The following PIK3C2A variants were observed in gnomAD, a reference collection of about 807,000 sequenced individuals.
PIK3C2A encodes phosphatidylinositol 4-phosphate 3-kinase C2 domain-containing subunit alpha.
PIK3C2A carries 97 observed loss-of-function variants against 204.5 expected under a neutral mutation model. The ratio of observed to expected loss-of-function variants is 0.47; its 90% CI spans 0.40 to 0.56. The LOEUF (loss-of-function observed/expected upper bound fraction) is 0.56. PIK3C2A is among the 20% of genes least tolerant of loss of function. The probability of loss-of-function intolerance (pLI) is 0.00; values close to 1 mark genes in which losing one functional copy is unlikely to be tolerated. For synonymous variants in PIK3C2A, 653 were observed against 664.4 expected (o/e 0.98, Z 0.26); for missense variants, 1,735 against 1,969.2 (o/e 0.88, Z 2.25).
chr11:17,142,436 C>T (rs773240030), intron 8 of PIK3C2A, among the ~76,000 whole-genome samples: 2 of 152,116 alleles, frequency 1.3e-5, no homozygotes, highest in Non-Finnish European at 2.9e-5. Context: ...ATAAGGAAAG[C>T]AGAAGGTGGT....
intron 20 of PIK3C2A, among the ~76,000 whole-genome samples, chr11:17,113,170 C>T (rs1384150465): frequency 6.6e-6 from 1 of 152,104 alleles, no homozygotes; most frequent in African/African-American, 2.4e-5. Context: ...CGCCACCACA[C>T]CCGGCTAATT....
At chr11:17,124,748 T>C (rs1849469242) in intron 13 of PIK3C2A, among the ~76,000 whole-genome samples, 2 of 152,256 alleles carry the variant, frequency 1.3e-5, no homozygotes, top group African/African-American at 2.4e-5. Flanking sequence ...ACTACTTTTA[T>C]CTGGCACCCT....
chr11:17,158,400 C>T (rs1288108321), intron 2 of PIK3C2A, among the ~76,000 whole-genome samples: 3 of 149,164 alleles, frequency 2.0e-5, no homozygotes, highest in Non-Finnish European at 4.4e-5. Flanking sequence ...TATATATCTA[C>T]AGGCATTCAT....
At chr11:17,199,585 C>A (rs1565310032) in intron 1 of PIK3C2A, among the ~76,000 whole-genome samples, 1 of 152,136 alleles carries the variant, frequency 6.6e-6, no homozygotes, top group African/African-American at 2.4e-5. Flanking sequence ...AAGTCAGACA[C>A]AAAAGGCTAA....
chr11:17,147,971 AC>A (rs1472825526), intron 5 of PIK3C2A, among the ~76,000 whole-genome samples: 2 of 152,130 alleles, frequency 1.3e-5, no homozygotes, highest in African/African-American at 2.4e-5. Context: ...TAATCCCAGC[AC>A]TTTGGGAGGC....
chr11:17,156,331 T>G lies in PIK3C2A; in HGVS notation c.1066-702A>C, dbSNP rs1289549296. ...AATTCAAAATTCAGTGAGAACAAAG[T>G]GCGTATATTTCAAGAGCTATAACAG... On this transcript the variant is annotated intron_variant, in intron 2 of 32. Transcript: ENST00000691414. Among the ~76,000 whole-genome samples the G allele has an allele frequency of 3.9e-5, 6 of 152,134 alleles. No homozygotes were observed. The East Asian group carries it at 1.2e-3, about 29-fold the overall frequency.
At position 17,122,349 on chromosome 11, in the gene PIK3C2A, G is replaced by C. The variant is rs774328943; in HGVS notation, c.2512-16C>G. Reference sequence around the variant, plus strand: ...GAAAATCAACCTTTAAAATTTAACAGAAATTGATCAAATTACAGTCTACGT... The same window carrying C: ...GAAAATCAACCTTTAAAATTTAACACAAATTGATCAAATTACAGTCTACGT... On this transcript the variant is annotated splice_polypyrimidine_tract_variant and intron_variant, in intron 14 of 32. Coordinates refer to ENST00000691414, the MANE Select transcript of PIK3C2A (RefSeq NM_002645.4). 1 of 1,474,580 alleles carries C rather than the reference G, an allele frequency of 6.8e-7. No individual in the cohort carries two copies. The highest frequency in any genetic ancestry group is 2.3e-4 in the Middle Eastern group (1 of 4,268). The allele number at this position is 1,474,580 out of a possible 1,614,324, so 91.3% of individuals were successfully genotyped here.
At chr11:17,137,756 C>T (rs2137398988) in intron 8 of PIK3C2A, among the ~76,000 whole-genome samples, 1 of 152,192 alleles carries the variant, frequency 6.6e-6, no homozygotes, top group East Asian at 1.9e-4. Context: ...CTATCAGTTC[C>T]AAATCCACCC....
chr11:17,101,604 T>A (rs1375466483), intron 24 of PIK3C2A, among the ~76,000 whole-genome samples, 170 bp from the exon 25 acceptor site: 4 of 151,728 alleles, frequency 2.6e-5, no homozygotes, highest in African/African-American at 9.7e-5. Flanking sequence ...TTTCTTTTTT[T>A]TTCTTTTTTT....
intron 15 of PIK3C2A, among the ~76,000 whole-genome samples, chr11:17,121,015 G>C (rs542184182): frequency 2.6e-5 from 4 of 152,254 alleles, no homozygotes; most frequent in African/African-American, 9.6e-5. Flanking sequence ...ACCACGTTCA[G>C]CCTACAATCT....
chr11:17,165,419 A>C (rs1223619451), intron 2 of PIK3C2A, among the ~76,000 whole-genome samples: 1 of 152,180 alleles, frequency 6.6e-6, no homozygotes, highest in Non-Finnish European at 1.5e-5. Context: ...CCATATTTGA[A>C]TATCTCCTAT....
chr11:17,205,403 G>C (rs977999777), intron 1 of PIK3C2A, among the ~76,000 whole-genome samples: 3 of 148,710 alleles, frequency 2.0e-5, no homozygotes, highest in Non-Finnish European at 4.4e-5. Flanking sequence ...GAACCCGGCA[G>C]GTGGAGGTTG....
At chr11:17,120,326 G>A (rs1849330559) in intron 15 of PIK3C2A, among the ~76,000 whole-genome samples, 1 of 151,348 alleles carries the variant, frequency 6.6e-6, no homozygotes, top group Admixed American at 6.6e-5. Flanking sequence ...CATCCATTTC[G>A]TACAAATAAA....
intron 1 of PIK3C2A, among the ~76,000 whole-genome samples, chr11:17,201,525 CAAAAAAAAAAAAAAAAAAG>C (rs1188380534): frequency 6.9e-5 from 2 of 29,002 alleles, no homozygotes; most frequent in Non-Finnish European, 1.4e-4. Context: ...GACTCCGTCT[CAAAAAAAAAAAAAAAAAAG>C]AAAAAAGAAA....
At chr11:17,138,987 A>C (rs892695877) in intron 8 of PIK3C2A, among the ~76,000 whole-genome samples, 3 of 151,902 alleles carry the variant, frequency 2.0e-5, no homozygotes, top group Non-Finnish European at 4.4e-5. Context: ...GGCTCACTGC[A>C]ACCTCCGCCT....
At chr11:17,106,750 T>C (rs933705690) in intron 22 of PIK3C2A, among the ~76,000 whole-genome samples, 20 of 152,114 alleles carry the variant, frequency 1.3e-4, no homozygotes, top group Non-Finnish European at 2.1e-4. Flanking sequence ...TGAGGAAAAC[T>C]ATTTTAATTA....
intron 28 of PIK3C2A, among the ~76,000 whole-genome samples, chr11:17,093,499 C>T (rs1380844467): frequency 2.0e-5 from 3 of 152,142 alleles, no homozygotes; most frequent in African/African-American, 4.8e-5. Flanking sequence ...CTCCTGACCT[C>T]GTGATCCGCC....
chr11:17,132,423 G>T (rs1004891474), intron 11 of PIK3C2A, among the ~76,000 whole-genome samples: 1 of 149,510 alleles, frequency 6.7e-6, no homozygotes, highest in South Asian at 2.1e-4. Context: ...TCTGCTTCCC[G>T]GGTTCACGCC....
chr11:17,092,002 A>G lies in PIK3C2A; in HGVS notation c.4636T>C (p.Ser1546Pro), dbSNP rs1211658689. 3 of 1,600,638 alleles carry G rather than the reference A, an allele frequency of 1.9e-6. No individual in the cohort carries two copies. Among genetic ancestry groups the G allele is most frequent in the Non-Finnish European group, 2.6e-6 (3 of 1,168,054 alleles). ...AGAAAAAAAATAATCTCACCTGCAG[A>G]CCTAGCTATCCCTTCAGCTTTCTCA... ...RDEKAEGIAR[S>P]ADAGSFSPTP... The change falls in exon 30 of 33, where the codon TCT becomes CCT. Residue 1546 changes from serine to proline, a missense_variant. Physicochemically the swap from Ser to Pro is moderately conservative, Grantham distance 74 (BLOSUM62 -1). This residue lies in a region of PIK3C2A where 503 missense variants were observed against 669.0 expected (regional missense o/e 0.75). Coordinates refer to ENST00000691414, the MANE Select transcript of PIK3C2A (RefSeq NM_002645.4).
Sources: allele counts gnomAD v4.1 joint callset (sites outside exome capture counted in the v4.1 genomes callset), GRCh38; gene constraint gnomAD v4.1.1; regional missense constraint gnomAD v4.1.1; transcripts MANE v1.5; gene names NCBI Gene and HGNC (gene_info 2026-07-23, HGNC 2026-07-21).